The following CDYL variants were observed in gnomAD, a reference collection of about 807,000 sequenced individuals.
CDYL encodes chromodomain Y-like protein.
CDYL carries 8 observed loss-of-function variants against 47.3 expected under a neutral mutation model. The observed-to-expected ratio is 0.17, with a 90% CI of 0.10 to 0.31. The LOEUF (loss-of-function observed/expected upper bound fraction) is 0.31. Ranked by LOEUF, CDYL falls within the 10% of genes least tolerant of loss-of-function variation. The pLI, the probability that CDYL is intolerant of heterozygous loss-of-function variation, is 1.00. For missense variants in CDYL, 471 were observed against 701.4 expected (o/e 0.67, Z 3.71); for synonymous variants, 266 against 265.0 (o/e 1.00, Z -0.04).
At chr6:4,759,069 C>T (rs533726407) in intron 3 of CDYL, among the ~76,000 whole-genome samples, 15 of 151,058 alleles carry the variant, frequency 9.9e-5, no homozygotes, top group African/African-American at 3.2e-4. Context: ...CCCGGGTTCA[C>T]GCCATTCTCC....
chr6:4,714,262 C>T (rs532913278), intron 1 of CDYL: 2 of 152,318 alleles, frequency 1.3e-5, no homozygotes, highest in Non-Finnish European at 2.9e-5. Flanking sequence ...TCTCTAACGC[C>T]ATTACTGAAG....
chr6:4,709,871 CTTCT>C (rs1757117742), intron 1 of CDYL, among the ~76,000 whole-genome samples: 1 of 152,150 alleles, frequency 6.6e-6, no homozygotes. Context: ...AATAGAATCT[CTTCT>C]TTAATTCAGC....
intron 1 of CDYL, among the ~76,000 whole-genome samples, chr6:4,840,687 G>A (rs1760460729): frequency 6.6e-6 from 1 of 152,106 alleles, no homozygotes; most frequent in Non-Finnish European, 1.5e-5. Context: ...TTGTGTTTAT[G>A]TGATGACAAC....
intron 2 of CDYL, among the ~76,000 whole-genome samples, chr6:4,902,236 T>TAA (rs60097630): frequency 2.0e-4 from 29 of 141,472 alleles, no homozygotes; most frequent in African/African-American, 7.2e-4. Flanking sequence ...CTGTCTCTAC[T>TAA]AAAAAAAAAA....
intron 1 of CDYL, among the ~76,000 whole-genome samples, chr6:4,845,571 C>T (rs924400335): frequency 3.3e-5 from 5 of 152,174 alleles, no homozygotes; most frequent in Non-Finnish European, 7.4e-5. Flanking sequence ...CAAACCTTTT[C>T]TGTAAGGGGT....
At chr6:4,841,523 C>T (rs1435802904) in intron 1 of CDYL, among the ~76,000 whole-genome samples, 4 of 152,002 alleles carry the variant, frequency 2.6e-5, no homozygotes, top group East Asian at 3.9e-4. Context: ...CAGTGTTAGG[C>T]GTTTAAGCAT....
intron 2 of CDYL, among the ~76,000 whole-genome samples, chr6:4,917,917 T>C (rs1757602277): frequency 6.6e-6 from 1 of 152,228 alleles, no homozygotes; most frequent in South Asian, 2.1e-4. Flanking sequence ...TAGAACACAT[T>C]GGATGCAATA....
chr6:4,953,578 T>A (rs1330143521), intron 6 of CDYL, among the ~76,000 whole-genome samples: 1 of 152,202 alleles, frequency 6.6e-6, no homozygotes, highest in Non-Finnish European at 1.5e-5. Context: ...TTTCTGGGCA[T>A]CAGCAGAGCA....
In CDYL at chr6:4,942,151, C is replaced by T. The variant is rs77886339; in HGVS notation, c.1122-1395C>T. Among the ~76,000 whole-genome samples, 711 of 152,304 alleles carry T rather than the reference C, an allele frequency of 4.7e-3. 22 individuals carry two copies. The East Asian group carries it at 0.075, about 16-fold the overall frequency. On this transcript the variant is annotated intron_variant, in intron 4 of 6. Coordinates refer to ENST00000397588, the MANE Select transcript of CDYL (RefSeq NM_004824.4). ...TTTCTAAGAATGCCTCAGGCTCTCTCATTTAGAAAGACTTAGTGCAACTCA... is the reference window on the plus strand; with the variant it reads ...TTTCTAAGAATGCCTCAGGCTCTCTTATTTAGAAAGACTTAGTGCAACTCA...
At chr6:4,731,357 A>G (rs555503480) in intron 2 of CDYL, among the ~76,000 whole-genome samples, 163 of 152,346 alleles carry the variant, frequency 1.1e-3, no homozygotes, top group African/African-American at 3.7e-3. Context: ...CTAGTGTATT[A>G]AACTACCTAA....
At chr6:4,755,158 C>T (rs1234580060) in intron 3 of CDYL, among the ~76,000 whole-genome samples, 1 of 151,996 alleles carries the variant, frequency 6.6e-6, no homozygotes. Flanking sequence ...CTCCCAGGTT[C>T]AAGCTATTCT....
intron 3 of CDYL, among the ~76,000 whole-genome samples, chr6:4,735,761 C>T (rs1757691697): frequency 6.6e-6 from 1 of 151,134 alleles, no homozygotes; most frequent in African/African-American, 2.4e-5. Flanking sequence ...AGCGAAACTC[C>T]ATCTCAAAAA....
chr6:4,904,340 T>C (rs1050691484), intron 2 of CDYL, among the ~76,000 whole-genome samples: 1 of 152,270 alleles, frequency 6.6e-6, no homozygotes, highest in Non-Finnish European at 1.5e-5. Context: ...GGACCTGATG[T>C]AATTGGCTCT....
At chr6:4,895,074 T>C (rs1363512613) in intron 2 of CDYL, among the ~76,000 whole-genome samples, 2 of 61,344 alleles carry the variant, frequency 3.3e-5, no homozygotes, top group East Asian at 7.5e-4. Context: ...TATATATGTA[T>C]CTATATGCAC....
chr6:4,862,148 A>G (rs978037284), intron 1 of CDYL, among the ~76,000 whole-genome samples: 10 of 152,154 alleles, frequency 6.6e-5, no homozygotes, highest in African/African-American at 1.7e-4. Context: ...TTAACGTCCT[A>G]CGTAAATAAA....
intron 1 of CDYL, among the ~76,000 whole-genome samples, chr6:4,815,577 C>T (rs1252227998): frequency 6.6e-6 from 1 of 151,938 alleles, no homozygotes; most frequent in Non-Finnish European, 1.5e-5. Context: ...GCCTGCCTTC[C>T]TGCATGTGTA....
At position 4,814,098 on chromosome 6, in the gene CDYL, TAAC is replaced by T. The variant is rs1202185713; in HGVS notation, c.24+37294_24+37296del. Among the ~76,000 whole-genome samples the T allele has an allele frequency of 3.9e-5, 6 of 152,342 alleles. No homozygotes were observed. The East Asian group carries it at 1.2e-3, about 29-fold the overall frequency. On this transcript the variant is annotated intron_variant, in intron 1 of 6. Coordinates refer to ENST00000397588, the MANE Select transcript of CDYL (RefSeq NM_004824.4). The stretch of plus-strand genomic sequence containing the variant: ...CTGGCCAAGTATTTTTTATTTCTAA[TAAC>T]AATGAACTTTTGGTGCATCTGGATA...
rs181144855 is a variant in CDYL, at chr6:4,719,171, C to T, written c.103+3290C>T. Among the ~76,000 whole-genome samples, 6 of 152,250 alleles carry T rather than the reference C, an allele frequency of 3.9e-5. No individual in the cohort carries two copies. The East Asian group carries it at 5.8e-4, about 15-fold the overall frequency. On this transcript the variant is annotated intron_variant, in intron 2 of 8. Transcript: ENST00000328908. ...AACTCCTGACCTCAGGTAATCCACC[C>T]GCCTTGGCCTCTCAAAGTGCTGTAA...
chr6:4,932,791 A>G (rs577815560), intron 2 of CDYL, among the ~76,000 whole-genome samples: 7 of 152,298 alleles, frequency 4.6e-5, no homozygotes, highest in African/African-American at 1.7e-4. Context: ...CTTTTTAGGC[A>G]GGGAAATCAT....
Sources: allele counts gnomAD v4.1 joint callset (sites outside exome capture counted in the v4.1 genomes callset), GRCh38; gene constraint gnomAD v4.1.1; transcripts MANE v1.5; gene names NCBI Gene and HGNC (gene_info 2026-07-23, HGNC 2026-07-21).